IQGAP2: variants seen among roughly 807,000 people sequenced by gnomAD.
The protein encoded by IQGAP2 is IQ motif containing GTPase activating protein 2.
Under a neutral mutation model 201.3 loss-of-function variants are expected in IQGAP2, and 173 were observed. The observed-to-expected ratio is 0.86, with a 90% CI of 0.76 to 0.98. IQGAP2 has a LOEUF of 0.98. Ranked by LOEUF, IQGAP2 falls within the 50% of genes least tolerant of loss-of-function variation. IQGAP2 has a pLI of 0.00. For synonymous variants in IQGAP2, 675 were observed against 673.9 expected (o/e 1.00, Z -0.03); for missense variants, 1,687 against 1,864.8 (o/e 0.90, Z 1.76).
At chr5:76,678,927 A>C (rs1035144344) in intron 28 of IQGAP2, among the ~76,000 whole-genome samples, 3 of 152,316 alleles carry the variant, frequency 2.0e-5, no homozygotes, top group African/African-American at 7.2e-5. Context: ...TGACATTTAC[A>C]TCAAGCTCTC....
intron 2 of IQGAP2, among the ~76,000 whole-genome samples, chr5:76,560,310 G>A (rs1440449389): frequency 6.9e-6 from 1 of 144,930 alleles, no homozygotes; most frequent in Non-Finnish European, 1.5e-5. Context: ...AAACCACCAT[G>A]CCTGGCTCTT....
intron 2 of IQGAP2, among the ~76,000 whole-genome samples, chr5:76,475,489 T>A (rs1053012096): frequency 6.6e-6 from 1 of 152,196 alleles, no homozygotes; most frequent in African/African-American, 2.4e-5. Flanking sequence ...CTGACATTCC[T>A]GCATCCCACA....
Position 76,633,272 on chromosome 5 carries a change from G to A in IQGAP2, c.1780+1246G>A, listed in dbSNP as rs76403504. Among the ~76,000 whole-genome samples the A allele has an allele frequency of 2.9e-3, 441 of 152,268 alleles. 2 individuals are homozygous for A. The highest frequency in any genetic ancestry group is 0.01 in the African/African-American group (420 of 41,562). On this transcript the variant is annotated intron_variant, in intron 15 of 35. Transcript: ENST00000274364. ...AATGGCAGCAAGACTTTTGTCAGCT[G>A]AGATCATATTGAATCTGTAGGTAAA...
At chr5:76,603,676 C>T (rs926694320) in intron 11 of IQGAP2, among the ~76,000 whole-genome samples, 1 of 152,152 alleles carries the variant, frequency 6.6e-6, no homozygotes, top group Non-Finnish European at 1.5e-5. Flanking sequence ...AAAGGCTGCA[C>T]CTTTTTCCTC....
chr5:76,446,366 A>G (rs907962710), intron 1 of IQGAP2, among the ~76,000 whole-genome samples: 2 of 151,920 alleles, frequency 1.3e-5, no homozygotes, highest in Non-Finnish European at 2.9e-5. Context: ...TTTTTAATGC[A>G]TTTTTTAATA....
At chr5:76,595,066 A>C (rs959070363) in intron 9 of IQGAP2, among the ~76,000 whole-genome samples, 1 of 152,114 alleles carries the variant, frequency 6.6e-6, no homozygotes, top group African/African-American at 2.4e-5. Flanking sequence ...CCACATTCAT[A>C]GCAACCATAG....
intron 1 of IQGAP2, among the ~76,000 whole-genome samples, chr5:76,420,476 A>G (rs375538693): frequency 7.3e-5 from 11 of 151,606 alleles, no homozygotes; most frequent in African/African-American, 2.7e-4. Context: ...CCCGGGTTCA[A>G]GTGATTCTCC....
intron 1 of IQGAP2, among the ~76,000 whole-genome samples, chr5:76,455,140 C>T (rs12518249): frequency 0.23 from 34,655 of 151,746 alleles, 4,518 homozygotes; most frequent in East Asian, 0.51. Context: ...GTTTGGAGAC[C>T]CAGGCTTGGT....
chr5:76,623,936 C>CTTTTTTTTTTTTTTTT (rs368076875), intron 13 of IQGAP2, among the ~76,000 whole-genome samples: 2 of 100,782 alleles, frequency 2.0e-5, no homozygotes, highest in Non-Finnish European at 3.8e-5. Flanking sequence ...TTTGTTCAGG[C>CTTTTTTTTTTTTTTTT]TTTTTTTTTT....
chr5:76,511,507 C>T (rs1037448356), intron 2 of IQGAP2, among the ~76,000 whole-genome samples: 11 of 152,200 alleles, frequency 7.2e-5, no homozygotes, highest in African/African-American at 1.7e-4. Flanking sequence ...TACCACTGCA[C>T]CTGTAGCTGT....
intron 1 of IQGAP2, among the ~76,000 whole-genome samples, chr5:76,429,604 T>TATACATATATAAATACA (rs1752235975): frequency 7.3e-6 from 1 of 136,708 alleles, no homozygotes; most frequent in Non-Finnish European, 1.5e-5. Flanking sequence ...ATATGTATAT[T>TATACATATATAAATACA]TATATATATA....
intron 28 of IQGAP2, among the ~76,000 whole-genome samples, chr5:76,682,667 C>A (rs1424078191): frequency 4.6e-5 from 7 of 152,098 alleles, no homozygotes; most frequent in Non-Finnish European, 1.0e-4. Flanking sequence ...ATCTTCAATG[C>A]AAGACAGATT....
In IQGAP2 at chr5:76,570,745, GGTTATGTTAAT is replaced by G. The variant is rs1745057603; in HGVS notation, c.381+91_381+101del. The G allele has an allele frequency of 5.7e-6, 5 of 877,388 alleles. No homozygotes were observed. In the East Asian group the frequency reaches 1.2e-4, roughly 21 times the overall value. 54.4% of individuals were successfully genotyped at this position (877,388 alleles called of 1,614,324 possible). ...TTATGAGCAATGACTTTGGAGACTG[GGTTATGTTAAT>G]GTAGAAATGAGAAATGTGAGGACTA... On this transcript the variant is annotated intron_variant, in intron 4 of 35. Coordinates refer to ENST00000274364, the MANE Select transcript of IQGAP2 (RefSeq NM_006633.5).
intron 5 of IQGAP2, among the ~76,000 whole-genome samples, chr5:76,583,433 A>G (rs1746013804): frequency 6.6e-6 from 1 of 152,080 alleles, no homozygotes; most frequent in Non-Finnish European, 1.5e-5. Flanking sequence ...TTAAACCTCA[A>G]CATCAATGAT....
chr5:76,570,159 A>C (rs1315977939), intron 3 of IQGAP2, among the ~76,000 whole-genome samples: 2 of 152,194 alleles, frequency 1.3e-5, no homozygotes, highest in African/African-American at 4.8e-5. Flanking sequence ...ATTAGAACAA[A>C]AAAAAATGTA....
intron 1 of IQGAP2, among the ~76,000 whole-genome samples, chr5:76,447,174 A>T: frequency 6.6e-6 from 1 of 152,156 alleles, no homozygotes; most frequent in East Asian, 1.9e-4. Context: ...GACTAGCTGG[A>T]TTTCCTAGGC....
At chr5:76,628,990 TAGA>T (rs776769846) in intron 14 of IQGAP2, among the ~76,000 whole-genome samples, 6 of 152,236 alleles carry the variant, frequency 3.9e-5, no homozygotes, top group Non-Finnish European at 8.8e-5. Context: ...CAAACCAATT[TAGA>T]AGGTTTTTAA....
intron 1 of IQGAP2, among the ~76,000 whole-genome samples, chr5:76,429,892 C>A (rs999577897): frequency 1.8e-5 from 2 of 111,152 alleles, no homozygotes; most frequent in African/African-American, 5.8e-5. Context: ...CACACACACA[C>A]ACGACTATTT....
chr5:76,651,500 G>A (rs1752509599), intron 17 of IQGAP2, among the ~76,000 whole-genome samples: 1 of 152,228 alleles, frequency 6.6e-6, no homozygotes, highest in African/African-American at 2.4e-5. Context: ...CTATTCAGGA[G>A]TCTGAGGCAG....
Sources: allele counts gnomAD v4.1 joint callset (sites outside exome capture counted in the v4.1 genomes callset), GRCh38; gene constraint gnomAD v4.1.1; transcripts MANE v1.5; gene names NCBI Gene and HGNC (gene_info 2026-07-23, HGNC 2026-07-21).